ISM2: variants seen among roughly 807,000 people sequenced by gnomAD.
ISM2 encodes the protein isthmin 2.
Under a neutral mutation model 58.0 loss-of-function variants are expected in ISM2, and 50 were observed. The ratio of observed to expected loss-of-function variants is 0.86; its 90% CI spans 0.69 to 1.09. The LOEUF (loss-of-function observed/expected upper bound fraction) is 1.09. Among genes scored for constraint, ISM2 ranks in the 50% least tolerant of loss-of-function variants. The pLI is 0.00. For synonymous variants in ISM2, 303 were observed against 312.4 expected (o/e 0.97, Z 0.32); for missense variants, 723 against 745.0 (o/e 0.97, Z 0.34).
At chr14:77,491,172 G>A (rs1413053273) in intron 1 of ISM2, among the ~76,000 whole-genome samples, 1 of 152,200 alleles carries the variant, frequency 6.6e-6, no homozygotes, top group Admixed American at 6.5e-5. Flanking sequence ...TGCTGGGGGG[G>A]CACCCCCACC....
intron 3 of ISM2, chr14:77,482,958 G>A (rs1566754888): frequency 3.2e-6 from 1 of 310,048 alleles, no homozygotes; most frequent in Non-Finnish European, 5.8e-6. Flanking sequence ...TCTAACACAT[G>A]CCAGGGTTGA....
intron 1 of ISM2, among the ~76,000 whole-genome samples, chr14:77,486,994 C>A (rs1048542530): frequency 1.3e-5 from 2 of 151,862 alleles, no homozygotes; most frequent in Non-Finnish European, 2.9e-5. Flanking sequence ...GTAATCCTAG[C>A]ACTTTGGGAG....
At chr14:77,476,968 G>A (rs755269805) in intron 6 of ISM2, among the ~76,000 whole-genome samples, 15 of 152,182 alleles carry the variant, frequency 9.9e-5, no homozygotes, top group Non-Finnish European at 1.6e-4. Context: ...AACCCAGGAG[G>A]TGGAGGTTGC....
chr14:77,479,519 G>C (rs2079119531), intron 4 of ISM2, among the ~76,000 whole-genome samples: 1 of 152,068 alleles, frequency 6.6e-6, no homozygotes, highest in Non-Finnish European at 1.5e-5. Flanking sequence ...GGGTAGCTGG[G>C]ATTACAGGTG....
intron 1 of ISM2, among the ~76,000 whole-genome samples, chr14:77,493,622 T>C (rs1203624033): frequency 6.7e-6 from 1 of 148,812 alleles, no homozygotes; most frequent in Non-Finnish European, 1.5e-5. Context: ...CCACCACGCC[T>C]GGCTAATTTT....
chr14:77,491,798 C>T lies in ISM2; in HGVS notation c.141+6855G>A, dbSNP rs545858075. Among the ~76,000 whole-genome samples the T allele has an allele frequency of 1.6e-3, 241 of 147,392 alleles. 2 individuals carry two copies. The highest frequency in any genetic ancestry group is 4.8e-3 in the South Asian group (22 of 4,588). On this transcript the variant is annotated intron_variant, in intron 1 of 6. Transcript: ENST00000342219. ...TGCAACCTCACCTCCTGGGTTCAAG[C>T]GATTCTCATGCCTCAGCCTCCCGAG... is the stretch of plus-strand genomic sequence containing the variant.
chr14:77,475,725 G>A lies in ISM2; in HGVS notation c.1586C>T (p.Pro529Leu). ...CCAGTCCCCCTTGCACAGGATCCAGGGCGTCGTGTCGAACTTGAAGTGCAG... is the reference window on the plus strand; with the variant it reads ...CCAGTCCCCCTTGCACAGGATCCAGAGCGTCGTGTCGAACTTGAAGTGCAG... ...PKLHFKFDTT[P>L]WILCKGDWSR... The change falls in exon 7 of 7, where the codon CCC becomes CTC. Residue 529 changes from proline to leucine, a missense_variant. Coordinates refer to ENST00000342219, the MANE Select transcript of ISM2 (RefSeq NM_199296.3). This position sits in a 1 kb window ranked among gnomAD's most constrained non-coding sequence, Gnocchi z 4.1. The A allele has an allele frequency of 6.2e-7, 1 of 1,614,104 alleles. No individual in the cohort carries two copies. The highest frequency in any genetic ancestry group is 1.1e-5 in the South Asian group (1 of 91,090).
intron 1 of ISM2, among the ~76,000 whole-genome samples, chr14:77,493,088 C>T (rs370221562): frequency 1.1e-4 from 16 of 152,140 alleles, no homozygotes; most frequent in African/African-American, 3.4e-4. Flanking sequence ...GCCTCAAACT[C>T]CTAGGCTTAA....
At position 77,475,573 on chromosome 14, in the gene ISM2, T is replaced by A. The variant is rs757702721; in HGVS notation, c.*22A>T. On this transcript the variant is annotated 3_prime_UTR_variant, in exon 7 of 7. Transcript: ENST00000342219. This position sits in a 1 kb window ranked among gnomAD's most constrained non-coding sequence, Gnocchi z 4.1. Reference sequence around the variant, plus strand: ...GCAGCCGCCTGCCCTCTCCCTGCAGTGTCTGTTCAGCAACCCCGTCACTAG... The same window carrying A: ...GCAGCCGCCTGCCCTCTCCCTGCAGAGTCTGTTCAGCAACCCCGTCACTAG... 1 of 1,534,112 alleles carries A rather than the reference T, an allele frequency of 6.5e-7. No homozygotes were observed. The highest frequency in any genetic ancestry group is 8.8e-7 in the Non-Finnish European group (1 of 1,138,358).
chr14:77,480,302 C>CAA (rs34339320), intron 4 of ISM2, among the ~76,000 whole-genome samples: 3 of 123,460 alleles, frequency 2.4e-5, no homozygotes, highest in African/African-American at 6.2e-5. Context: ...GACACTGTCT[C>CAA]AAAAAAAAAA....
chr14:77,487,590 T>C (rs2079176167), intron 1 of ISM2, among the ~76,000 whole-genome samples: 1 of 152,244 alleles, frequency 6.6e-6, no homozygotes. Flanking sequence ...CTTTCCTCTC[T>C]GGAGCTGCTC....
At chr14:77,492,516 CTT>C (rs11345814) in intron 1 of ISM2, among the ~76,000 whole-genome samples, 1,863 of 93,476 alleles carry the variant, frequency 0.02, 30 homozygotes, top group African/African-American at 0.059. Flanking sequence ...TGGCCCCAGC[CTT>C]TTTTTTTTTT....
At chr14:77,494,023 C>A (rs908841942) in intron 1 of ISM2, among the ~76,000 whole-genome samples, 1 of 148,676 alleles carries the variant, frequency 6.7e-6, no homozygotes, top group Admixed American at 6.7e-5. Flanking sequence ...GTGATCCGCC[C>A]GCCTCGGCCT....
chr14:77,475,966 G>A lies in ISM2; in HGVS notation c.1345C>T (p.Gln449Ter). The A allele has an allele frequency of 6.3e-7, 1 of 1,597,502 alleles. No individual in the cohort carries two copies. Residue 449 changes from glutamine (Q) to a stop codon, truncating the protein, a stop_gained, in exon 7 of 7, where the codon CAG (glutamine) becomes TAG (stop). Coordinates refer to ENST00000342219, the MANE Select transcript of ISM2 (RefSeq NM_199296.3). LOFTEE classifies it high-confidence loss of function. The surrounding 1 kb of genome is among the most constrained non-coding windows in gnomAD (Gnocchi z 4.1). Reference sequence around the variant, plus strand: ...TCCCTCCACCGGAAGCTGCGGCCCTGGTGCTCGTCCTGTAGGCTCACAGGG... The same window carrying A: ...TCCCTCCACCGGAAGCTGCGGCCCTAGTGCTCGTCCTGTAGGCTCACAGGG... ...DSPVSLQDEH[Q>*]GRSFRWRDAS...
chr14:77,483,378 T>C (rs1461367600), intron 3 of ISM2, among the ~76,000 whole-genome samples: 1 of 151,728 alleles, frequency 6.6e-6, no homozygotes, highest in Non-Finnish European at 1.5e-5. Flanking sequence ...GCCAACATGG[T>C]GAAACCCCGT....
chr14:77,498,659 G>A lies in ISM2; in HGVS notation c.135C>T (p.Leu45=). Residue 45 remains leucine, a synonymous_variant, in exon 1 of 7, where the codon CTC becomes CTT. Coordinates refer to ENST00000342219, the MANE Select transcript of ISM2 (RefSeq NM_199296.3). The part of the protein sequence containing the change: ...RGPRPGSLTR[L]AEVSASPDPR... ...CGGTGCCGCCGCCACTCACCTCTGCGAGCCTCGTGAGGCTCCCAGGCCGTG... is the reference window on the plus strand; with the variant it reads ...CGGTGCCGCCGCCACTCACCTCTGCAAGCCTCGTGAGGCTCCCAGGCCGTG... 2 of 1,469,748 alleles carry A rather than the reference G, an allele frequency of 1.4e-6. No homozygotes were observed. The highest frequency in any genetic ancestry group is 1.8e-6 in the Non-Finnish European group (2 of 1,117,554). 91.0% of individuals were successfully genotyped at this position (1,469,748 alleles called of 1,614,324 possible).
intron 1 of ISM2, among the ~76,000 whole-genome samples, chr14:77,488,469 C>T (rs895729075): frequency 6.6e-6 from 1 of 152,188 alleles, no homozygotes; most frequent in Admixed American, 6.5e-5. Flanking sequence ...CTTCACAGAG[C>T]AGTTCCACTT....
In ISM2 at chr14:77,482,442, G is replaced by A. The variant is rs751383657; in HGVS notation, c.853C>T (p.Gln285Ter). 21 of 1,614,126 alleles carry A rather than the reference G, an allele frequency of 1.3e-5. No individual in the cohort carries two copies. Among genetic ancestry groups the A allele is most frequent in the Non-Finnish European group, 1.8e-5 (21 of 1,180,000 alleles). ...YPSEDIEGED[Q>*]EDKEEDEEEQ... ...TCCTCATCTTCCTCTTTGTCCTCTTGATCCTCACCCTCGATATCCTCTGAA... is the reference window on the plus strand; with the variant it reads ...TCCTCATCTTCCTCTTTGTCCTCTTAATCCTCACCCTCGATATCCTCTGAA... Residue 285 changes from glutamine (Q) to a stop codon, truncating the protein, a stop_gained, in exon 4 of 7, where the codon CAA becomes TAA. Coordinates refer to ENST00000342219, the MANE Select transcript of ISM2 (RefSeq NM_199296.3). LOFTEE classifies it high-confidence loss of function.
At chr14:77,498,227 ACCGTTTGAACCTCAGCGGCCCTGGC>A in intron 1 of ISM2, 1 of 1,286,848 alleles carries the variant, frequency 7.8e-7, no homozygotes, top group Middle Eastern at 2.2e-4. Flanking sequence ...GGCTCACCTG[ACCGTTTGAACCTCAGCGGCCCTGGC>A]CCGCCACTCC....
Sources: allele counts gnomAD v4.1 joint callset (sites outside exome capture counted in the v4.1 genomes callset), GRCh38; gene constraint gnomAD v4.1.1; non-coding constraint Gnocchi (gnomAD v3.1); transcripts MANE v1.5; gene names NCBI Gene and HGNC (gene_info 2026-07-23, HGNC 2026-07-21).